The following DLG2 variants were observed in gnomAD, a reference collection of about 807,000 sequenced individuals.
The protein encoded by DLG2 is disks large homolog 2.
A neutral mutation model predicts 132.5 loss-of-function variants in DLG2; 45 were observed. The ratio of observed to expected loss-of-function variants is 0.34; its 90% CI spans 0.27 to 0.44. The LOEUF is 0.44. Ranked by LOEUF, DLG2 falls within the 20% of genes least tolerant of loss-of-function variation. DLG2 has a pLI of 1.00. For missense variants in DLG2, 1,045 were observed against 1,196.9 expected, an observed-to-expected ratio of 0.87 and a Z score of 1.87; for synonymous variants, 424 against 419.6, an observed-to-expected ratio of 1.01 and a Z score of -0.13.
chr11:83,936,381 C>T (rs1206661685), intron 14 of DLG2, among the ~76,000 whole-genome samples: 1 of 152,144 alleles, frequency 6.6e-6, no homozygotes, highest in African/African-American at 2.4e-5. Flanking sequence ...TATAGCAGCC[C>T]CAACTCTAAC....
chr11:83,895,117 G>T (rs907578298), intron 15 of DLG2, among the ~76,000 whole-genome samples: 3 of 150,136 alleles, frequency 2.0e-5, no homozygotes, highest in African/African-American at 7.3e-5. Flanking sequence ...TGTGTATCAG[G>T]AAACATCATA....
chr11:84,852,106 C>A (rs2082233547), intron 6 of DLG2, among the ~76,000 whole-genome samples: 1 of 151,960 alleles, frequency 6.6e-6, no homozygotes, highest in Admixed American at 6.6e-5. Flanking sequence ...AATGGGTGAG[C>A]CTACCTGCAG....
Position 85,566,693 on chromosome 11 carries a change from A to G in DLG2, c.40+31964T>C, listed in dbSNP as rs2153224707. 2.0e-5 allele frequency among the ~76,000 whole-genome samples: 3 copies of G among 152,176 alleles called. No individual in the cohort carries two copies. In the South Asian group the frequency reaches 6.2e-4, roughly 32 times the overall value. On this transcript the variant is annotated intron_variant, in intron 3 of 27. Coordinates refer to ENST00000376104, the MANE Select transcript of DLG2 (RefSeq NM_001142699.3). ...CTCACAGGCCCCACGTCCTAATACC[A>G]TCACTTTGGGGGTTAGGATTTTAAA...
At chr11:84,812,509 T>C (rs549775530) in intron 6 of DLG2, among the ~76,000 whole-genome samples, 23 of 152,292 alleles carry the variant, frequency 1.5e-4, no homozygotes, top group South Asian at 4.1e-4. Context: ...AAATTAGTTA[T>C]GCAAATCCTG....
At chr11:83,636,354 T>C (rs1276639395) in intron 18 of DLG2, among the ~76,000 whole-genome samples, 1 of 152,172 alleles carries the variant, frequency 6.6e-6, no homozygotes, top group Non-Finnish European at 1.5e-5. Context: ...AAACTTTTTT[T>C]TGAGTGAATA....
At chr11:83,499,367 G>A (rs1330490732) in intron 21 of DLG2, among the ~76,000 whole-genome samples, 1 of 152,092 alleles carries the variant, frequency 6.6e-6, no homozygotes, top group Non-Finnish European at 1.5e-5. Context: ...CATTTTCTTT[G>A]TAGTCTATAT....
rs1591168437 is a variant in DLG2 at position 83,458,583 on chromosome 11, C to G, written c.*1235G>C. 1 of 152,514 alleles carries G rather than the reference C, an allele frequency of 6.6e-6. No individual in the cohort carries two copies. The highest frequency in any genetic ancestry group is 1.9e-4 in the East Asian group (1 of 5,184). 9.4% of individuals were successfully genotyped at this position (152,514 alleles called of 1,614,324 possible). On this transcript the variant is annotated 3_prime_UTR_variant, in exon 28 of 28. Transcript: ENST00000376104. ...TACCATCTCTGGATGTTACAAAACT[C>G]TCAGTTACTCTGTAAAACAAAAAGG...
intron 6 of DLG2, among the ~76,000 whole-genome samples, chr11:84,697,387 A>T (rs2153734402): frequency 6.6e-6 from 1 of 151,630 alleles, no homozygotes; most frequent in South Asian, 2.1e-4. Context: ...ATACAAAACA[A>T]CTTAATTCAG....
chr11:84,068,267 T>G (rs1275133784), intron 10 of DLG2, among the ~76,000 whole-genome samples: 1 of 152,266 alleles, frequency 6.6e-6, no homozygotes, highest in Non-Finnish European at 1.5e-5. Context: ...ATTGTCCAGT[T>G]TGAGAAGATA....
At chr11:85,012,139 T>TCCATTTCTACTAAAAATACAA (rs1566644270) in intron 6 of DLG2, among the ~76,000 whole-genome samples, 2 of 80,764 alleles carry the variant, frequency 2.5e-5, no homozygotes, top group Non-Finnish European at 4.5e-5. Flanking sequence ...CTGACCAACA[T>TCCATTTCTACTAAAAATACAA]AATCTATGTG....
At chr11:84,619,463 C>G (rs938131840) in intron 6 of DLG2, among the ~76,000 whole-genome samples, 1 of 150,700 alleles carries the variant, frequency 6.6e-6, no homozygotes, top group Non-Finnish European at 1.5e-5. Flanking sequence ...AGGTTAAAGC[C>G]CCAAAAGTAG....
chr11:85,380,721 A>T (rs117574096), intron 3 of DLG2, among the ~76,000 whole-genome samples: 1,785 of 152,320 alleles, frequency 0.012, 15 homozygotes, highest in Middle Eastern at 0.017. Flanking sequence ...GAAGCATCAT[A>T]ACTAGTTAAC....
In DLG2 at chr11:83,606,046, CAG is replaced by C. The variant is rs573903903; in HGVS notation, c.1940+27163_1940+27164del. On this transcript the variant is annotated intron_variant, in intron 19 of 27. Transcript: ENST00000376104. ...TATGCTACTTTTTAGACTCATTCCA[CAG>C]AGTCATCGGTGATTCTTTGGTGTTT... 5.9e-5 allele frequency among the ~76,000 whole-genome samples: 9 copies of C among 152,294 alleles called. No individual in the cohort carries two copies. In the East Asian group the frequency reaches 1.5e-3, roughly 26 times the overall value.
chr11:85,502,799 C>T (rs550594243), intron 3 of DLG2, among the ~76,000 whole-genome samples: 2 of 152,128 alleles, frequency 1.3e-5, no homozygotes, highest in East Asian at 3.9e-4. Flanking sequence ...CACATGTATT[C>T]CAGAAGTTAA....
rs577469153 is a variant in DLG2, at chr11:83,658,476, A to C, written c.1826-25151T>G. Among the ~76,000 whole-genome samples the C allele has an allele frequency of 5.3e-5, 8 of 152,372 alleles. No individual in the cohort carries two copies. In the South Asian group the frequency reaches 8.3e-4, roughly 16 times the overall value. On this transcript the variant is annotated intron_variant, in intron 18 of 27. Coordinates refer to ENST00000376104, the MANE Select transcript of DLG2 (RefSeq NM_001142699.3). Reference sequence around the variant, plus strand: ...TGCTTCACAGAATGACAATGATAATAAACAGTTATTCTTAGTAGCTAAAGT... The same window carrying C: ...TGCTTCACAGAATGACAATGATAATCAACAGTTATTCTTAGTAGCTAAAGT...
intron 16 of DLG2, among the ~76,000 whole-genome samples, chr11:83,868,317 A>G (rs1196878615): frequency 6.6e-6 from 1 of 152,264 alleles, no homozygotes; most frequent in Non-Finnish European, 1.5e-5. Flanking sequence ...CTTATTCAGG[A>G]GACAGGTCTG....
intron 6 of DLG2, among the ~76,000 whole-genome samples, chr11:84,723,473 T>G (rs2062062982): frequency 6.6e-6 from 1 of 152,200 alleles, no homozygotes; most frequent in Non-Finnish European, 1.5e-5. Flanking sequence ...CGTTTATATG[T>G]ATTAGAGAAA....
chr11:84,635,354 C>T (rs2099638878), intron 6 of DLG2, among the ~76,000 whole-genome samples: 1 of 152,110 alleles, frequency 6.6e-6, no homozygotes, highest in South Asian at 2.1e-4. Flanking sequence ...TGGCTTTTAA[C>T]CTAAAAGCCC....
intron 6 of DLG2, among the ~76,000 whole-genome samples, chr11:84,851,322 C>G (rs746572779): frequency 1.8e-4 from 28 of 151,994 alleles, no homozygotes; most frequent in Non-Finnish European, 2.8e-4. Context: ...TATTTTCTGG[C>G]AGTTTATTTT....
Sources: gnomAD v4.1 joint callset for allele counts (sites outside exome capture counted in the v4.1 genomes callset) on GRCh38, gnomAD v4.1.1 for gene constraint, MANE v1.5 for transcripts, NCBI Gene and HGNC (gene_info 2026-07-23, HGNC 2026-07-21) for gene names.